Variants in LHX6 observed in about 807,000 individuals in gnomAD.
LHX6 encodes the protein LIM homeobox 6.
LHX6 carries 15 observed loss-of-function variants against 47.1 expected under a neutral mutation model. The observed-to-expected ratio is 0.32, with a 90% CI of 0.21 to 0.49. LHX6 has a LOEUF of 0.49. LHX6 is among the 20% of genes least tolerant of loss of function. The probability of loss-of-function intolerance (pLI) is 0.99; values close to 1 mark genes in which losing one functional copy is unlikely to be tolerated. For missense variants in LHX6, 404 were observed against 539.6 expected (o/e 0.75, Z 2.49); for synonymous variants, 242 against 233.5 (o/e 1.04, Z -0.33).
intron 9 of LHX6, among the ~76,000 whole-genome samples, chr9:122,208,387 T>C (rs1830267957): frequency 1.3e-5 from 2 of 152,038 alleles, no homozygotes; most frequent in Admixed American, 6.6e-5. Context: ...GTATTGTAAC[T>C]GTTGGGATCT....
intron 9 of LHX6, among the ~76,000 whole-genome samples, chr9:122,205,434 C>T (rs570766052): frequency 6.6e-6 from 1 of 152,360 alleles, no homozygotes; most frequent in South Asian, 2.1e-4. Flanking sequence ...GACTGTCTGT[C>T]CCTTTCCCCC....
At chr9:122,208,834 TAA>T (rs34355404) in intron 9 of LHX6, among the ~76,000 whole-genome samples, 24 of 117,288 alleles carry the variant, frequency 2.0e-4, no homozygotes, top group East Asian at 7.8e-4. Flanking sequence ...AAACTCTGTC[TAA>T]AAAAAAAAAA....
Position 122,217,357 on chromosome 9 carries a change from C to G in LHX6, c.462-69G>C. 7.7e-7 allele frequency: 1 copy of G among 1,305,770 alleles called. No homozygotes were observed. Among genetic ancestry groups the G allele is most frequent in the Non-Finnish European group, 1.1e-6 (1 of 948,230 alleles). The allele number at this position is 1,305,770 out of a possible 1,614,324, so 80.9% of individuals were successfully genotyped here. On this transcript the variant is annotated intron_variant, in intron 4 of 9. Coordinates refer to ENST00000394319, the MANE Select transcript of LHX6 (RefSeq NM_014368.5). The surrounding 1 kb of genome is among the most constrained non-coding windows in gnomAD (Gnocchi z 4.9). ...GGCCAACCTTCCTCCTTCCACCACCCAATGGCCCGCCAGCCCCCAGGCTCC... is the reference window on the plus strand; with the variant it reads ...GGCCAACCTTCCTCCTTCCACCACCGAATGGCCCGCCAGCCCCCAGGCTCC...
chr9:122,215,727 C>G (rs1434680931), intron 5 of LHX6, among the ~76,000 whole-genome samples: 1 of 152,184 alleles, frequency 6.6e-6, no homozygotes, highest in Non-Finnish European at 1.5e-5. Context: ...CTAGATGCCC[C>G]CTTAGACCCA....
intron 4 of LHX6, chr9:122,221,369 C>T (rs368607870): frequency 4.1e-6 from 4 of 985,720 alleles, no homozygotes; most frequent in Non-Finnish European, 4.8e-6. Context: ...CCGCTCTCTG[C>T]CGCGGTGGGG....
At position 122,214,301 on chromosome 9, in the gene LHX6, G is replaced by A. The variant is rs1437079932; in HGVS notation, c.765C>T (p.Phe255=). The A allele has an allele frequency of 6.3e-7, 1 of 1,599,048 alleles. No individual in the cohort carries two copies. Among genetic ancestry groups the A allele is most frequent in the African/African-American group, 1.4e-5 (1 of 72,646 alleles). Residue 255 remains phenylalanine, a synonymous_variant, in exon 6 of 10, where the codon TTC becomes TTT. Coordinates refer to ENST00000394319, the MANE Select transcript of LHX6 (RefSeq NM_014368.5). This position sits in a 1 kb window ranked among gnomAD's most constrained non-coding sequence, Gnocchi z 4.6. The stretch of plus-strand genomic sequence containing the variant: ...GCGGTACCTGCAGCTGTTCCGCGGT[G>A]AAGGACGTCCGCGCGCGCTTGGCCG... The part of the protein sequence containing the change: ...PKPAKRARTS[F]TAEQLQVMQA...
intron 9 of LHX6, among the ~76,000 whole-genome samples, chr9:122,206,562 A>G (rs1400113544): frequency 6.6e-6 from 1 of 152,218 alleles, no homozygotes; most frequent in Non-Finnish European, 1.5e-5. Context: ...CAGCAAGGGA[A>G]AACTCTGGCT....
Position 122,228,619 on chromosome 9 carries a change from C to T in LHX6, c.84+38G>A, listed in dbSNP as rs1020734522. The T allele has an allele frequency of 1.5e-4, 197 of 1,307,170 alleles. No individual in the cohort carries two copies. The African/African-American group carries it at 2.9e-3, about 19-fold the overall frequency. The allele number at this position is 1,307,170 out of a possible 1,614,324, so 81.0% of individuals were successfully genotyped here. On this transcript the variant is annotated intron_variant, in intron 1 of 9. Coordinates refer to ENST00000394319, the MANE Select transcript of LHX6 (RefSeq NM_014368.5). ...GCTGGGTCCCGGACCCTGCCCGACC[C>T]CGGCCCGGGCCGCTCACCCAGTCGT... is the stretch of plus-strand genomic sequence containing the variant.
At position 122,204,700 on chromosome 9, in the gene LHX6, C is replaced by A; in HGVS notation, c.*60G>T. On this transcript the variant is annotated 3_prime_UTR_variant, in exon 10 of 10. Transcript: ENST00000394319. Reference sequence around the variant, plus strand: ...CCTGGCCGCAGCTTGGACACTGGATCTCAGCGGCTGAGGGGCAGCTGTGGG... The same window carrying A: ...CCTGGCCGCAGCTTGGACACTGGATATCAGCGGCTGAGGGGCAGCTGTGGG... 1 of 1,590,320 alleles carries A rather than the reference C, an allele frequency of 6.3e-7. No individual in the cohort carries two copies. The highest frequency in any genetic ancestry group is 8.6e-7 in the Non-Finnish European group (1 of 1,167,944).
In LHX6 at chr9:122,214,305, G is replaced by T; in HGVS notation, c.761C>A (p.Ser254Tyr). 6.3e-7 allele frequency: 1 copy of T among 1,599,608 alleles called. No individual in the cohort carries two copies. Among genetic ancestry groups the T allele is most frequent in the Non-Finnish European group, 8.5e-7 (1 of 1,175,632 alleles). The change falls in exon 6 of 10, where the codon TCC (serine) becomes TAC (tyrosine). Residue 254 changes from serine (S) to tyrosine (Y), a missense_variant. By Grantham distance (144) the Ser-to-Tyr change is moderately radical. Around this residue, in one of 7 missense-constraint regions of LHX6, gnomAD observed 43 missense variants for 84.7 expected, o/e 0.51. Coordinates refer to ENST00000394319, the MANE Select transcript of LHX6 (RefSeq NM_014368.5). The surrounding 1 kb of genome is among the most constrained non-coding windows in gnomAD (Gnocchi z 4.6). ...QPKPAKRARTSFTAEQLQVMQ... is the reference protein window; with the variant it reads ...QPKPAKRARTYFTAEQLQVMQ... ...TACCTGCAGCTGTTCCGCGGTGAAG[G>T]ACGTCCGCGCGCGCTTGGCCGGCTT...
chr9:122,209,192 T>G (rs1157682369), intron 9 of LHX6, among the ~76,000 whole-genome samples: 1 of 152,244 alleles, frequency 6.6e-6, no homozygotes. Context: ...GCCCTGCCAG[T>G]TGACCAAGGT....
intron 8 of LHX6, among the ~76,000 whole-genome samples, chr9:122,211,116 C>T (rs1455165928): frequency 1.3e-5 from 2 of 152,320 alleles, no homozygotes; most frequent in South Asian, 2.1e-4. Context: ...ATTTCTCATG[C>T]TTCAGCCTGT....
chr9:122,225,137 T>A (rs959507819), intron 4 of LHX6, among the ~76,000 whole-genome samples: 3 of 152,176 alleles, frequency 2.0e-5, no homozygotes, highest in Admixed American at 6.5e-5. Context: ...TTCCACCATA[T>A]TCCCTGACTC....
chr9:122,219,181 T>A (rs1830719085), intron 4 of LHX6, among the ~76,000 whole-genome samples: 3 of 152,218 alleles, frequency 2.0e-5, no homozygotes, highest in African/African-American at 7.2e-5. Flanking sequence ...CAGCGTTGGG[T>A]TGGACTGAGT....
intron 4 of LHX6, among the ~76,000 whole-genome samples, chr9:122,222,122 A>G (rs1453400198): frequency 6.6e-6 from 1 of 152,208 alleles, no homozygotes; most frequent in Non-Finnish European, 1.5e-5. Context: ...ACTGTAAGCA[A>G]TGGCACTTTC....
intron 9 of LHX6, among the ~76,000 whole-genome samples, chr9:122,206,441 A>C (rs982329786): frequency 7.2e-5 from 11 of 152,174 alleles, no homozygotes; most frequent in Admixed American, 5.9e-4. Flanking sequence ...ATGGACAAGA[A>C]AAGTCCCTAG....
In LHX6 at chr9:122,226,028, T is replaced by G. The variant is rs1322151058; in HGVS notation, c.461+348A>C. On this transcript the variant is annotated intron_variant, in intron 4 of 9. Coordinates refer to ENST00000394319, the MANE Select transcript of LHX6 (RefSeq NM_014368.5). This position sits in a 1 kb window ranked among gnomAD's most constrained non-coding sequence, Gnocchi z 6.5. ...GGACGACGGCTGGGATCCGAGTGGG[T>G]CCGGGCCAGAAATGGGGACCTCAGA... Among the ~76,000 whole-genome samples the G allele has an allele frequency of 6.6e-6, 1 of 151,490 alleles. No homozygotes were observed. The highest frequency in any genetic ancestry group is 2.4e-5 in the African/African-American group (1 of 41,168).
chr9:122,225,785 G>C (rs1296716384), intron 4 of LHX6, among the ~76,000 whole-genome samples: 5 of 152,218 alleles, frequency 3.3e-5, no homozygotes, highest in Admixed American at 6.5e-5. Flanking sequence ...ACAGAGGTTG[G>C]GGTTCAGGAC....
rs762799712 is a variant in LHX6 at position 122,226,502 on chromosome 9, G to A, written c.340-5C>T. On this transcript the variant is annotated splice_polypyrimidine_tract_variant and splice_region_variant and intron_variant, in intron 3 of 9. Transcript: ENST00000394319. The surrounding 1 kb of genome is among the most constrained non-coding windows in gnomAD (Gnocchi z 6.5). The stretch of plus-strand genomic sequence containing the variant: ...GTGCCAGATGAGGTTGTTGACCTGG[G>A]GACGGGGCGGGGACGGAGGTCGGCT... 1 of 1,612,356 alleles carries A rather than the reference G, an allele frequency of 6.2e-7. No individual in the cohort carries two copies.
Sources: allele counts gnomAD v4.1 joint callset (sites outside exome capture counted in the v4.1 genomes callset), GRCh38; gene constraint gnomAD v4.1.1; regional missense constraint gnomAD v4.1.1; non-coding constraint Gnocchi (gnomAD v3.1); transcripts MANE v1.5; gene names NCBI Gene and HGNC (gene_info 2026-07-23, HGNC 2026-07-21).